The following FHIP1A variants were observed in gnomAD, a reference collection of about 807,000 sequenced individuals.
The protein encoded by FHIP1A is FHF complex subunit HOOK-interacting protein 1A.
A neutral mutation model predicts 88.6 loss-of-function variants in FHIP1A; 61 were observed. The observed-to-expected ratio is 0.69, with a 90% CI of 0.56 to 0.85. The LOEUF (loss-of-function observed/expected upper bound fraction) is 0.85, where lower values mean the gene tolerates loss of function less well. Among genes scored for constraint, FHIP1A ranks in the 40% least tolerant of loss-of-function variants. FHIP1A has a pLI of 0.00. For missense variants in FHIP1A, 1,154 were observed against 1,273.5 expected (o/e 0.91, Z 1.43); for synonymous variants, 478 against 496.0 (o/e 0.96, Z 0.48).
At chr4:151,609,909 A>G (rs1735257979) in intron 7 of FHIP1A, among the ~76,000 whole-genome samples, 1 of 152,232 alleles carries the variant, frequency 6.6e-6, no homozygotes, top group South Asian at 2.1e-4. Context: ...ACCCCAAAAA[A>G]CTAAAATAAA....
chr4:151,444,744 A>G (rs534832459), intron 1 of FHIP1A, among the ~76,000 whole-genome samples: 1 of 152,244 alleles, frequency 6.6e-6, no homozygotes, highest in Admixed American at 6.5e-5. Flanking sequence ...AGATTTATCC[A>G]TGTTTATTCA....
At chr4:151,432,184 G>A (rs1243759738) in intron 1 of FHIP1A, among the ~76,000 whole-genome samples, 1 of 152,208 alleles carries the variant, frequency 6.6e-6, no homozygotes, top group Non-Finnish European at 1.5e-5. Context: ...TATGTGTAAA[G>A]CATTATGTTA....
At chr4:151,443,920 G>A (rs543344336) in intron 1 of FHIP1A, among the ~76,000 whole-genome samples, 3 of 151,960 alleles carry the variant, frequency 2.0e-5, no homozygotes, top group African/African-American at 2.4e-5. Context: ...GCCAGGCTGC[G>A]TGAAGGCTGT....
At position 151,662,731 on chromosome 4, in the gene FHIP1A, G is replaced by C; in HGVS notation, c.3100G>C (p.Asp1034His). 12 of 1,520,966 alleles carry C rather than the reference G, an allele frequency of 7.9e-6. No homozygotes were observed. Among genetic ancestry groups the C allele is most frequent in the Non-Finnish European group, 1.1e-5 (12 of 1,136,604 alleles). The allele number at this position is 1,520,966 out of a possible 1,614,324, so 94.2% of individuals were successfully genotyped here. A position where few individuals can be genotyped will look rare whatever the true frequency, so the allele number is the denominator to read the frequency against. The change falls in exon 14 of 14, where the codon GAC becomes CAC. Residue 1034 changes from aspartate to histidine, a missense_variant. Coordinates refer to ENST00000435205, the MANE Select transcript of FHIP1A (RefSeq NM_001109977.3). ...CATTCTGTGCTACAAGATCTTGGGT[G>C]ACTTTGAGGACTCCTGCTGTTAGCT... ...HSILCYKILGDFEDSCC is the reference protein window; with the variant it reads ...HSILCYKILGHFEDSCC
At chr4:151,539,562 TAAAAAAAAAAA>T (rs1215200409) in intron 3 of FHIP1A, among the ~76,000 whole-genome samples, 1 of 102,568 alleles carries the variant, frequency 9.7e-6, no homozygotes, top group East Asian at 2.9e-4. Context: ...AGACTCTGTC[TAAAAAAAAAAA>T]AAAAAAAAAA....
intron 1 of FHIP1A, chr4:151,436,356 C>G (rs1011926241): frequency 3.3e-5 from 5 of 152,240 alleles, no homozygotes; most frequent in Non-Finnish European, 2.9e-5. Context: ...ATAGTTCTTT[C>G]TTTGAGCAAC....
intron 7 of FHIP1A, among the ~76,000 whole-genome samples, chr4:151,613,145 C>T (rs779897340): frequency 2.5e-4 from 38 of 152,128 alleles, no homozygotes; most frequent in Admixed American, 2.2e-3. Context: ...TTCTTGTACT[C>T]GTTAATTTAA....
At chr4:151,466,089 C>T (rs1185354188) in intron 2 of FHIP1A, among the ~76,000 whole-genome samples, 2 of 152,152 alleles carry the variant, frequency 1.3e-5, no homozygotes, top group Non-Finnish European at 2.9e-5. Context: ...ACCCCATCGT[C>T]TCAGCCCAAA....
At chr4:151,639,508 T>A (rs543497574) in intron 9 of FHIP1A, among the ~76,000 whole-genome samples, 332 of 152,348 alleles carry the variant, frequency 2.2e-3, no homozygotes, top group Middle Eastern at 0.017. Flanking sequence ...TGATGCTTCC[T>A]TATTAGCTCA....
At chr4:151,654,190 T>C (rs1256430005) in intron 11 of FHIP1A, among the ~76,000 whole-genome samples, 1 of 152,164 alleles carries the variant, frequency 6.6e-6, no homozygotes, top group African/African-American at 2.4e-5. Flanking sequence ...AGATGCTAAT[T>C]ATAATGTCAA....
rs535935309 is a variant in FHIP1A at position 151,518,304 on chromosome 4, T to C, written c.-123+35656T>C. On this transcript the variant is annotated intron_variant, in intron 3 of 13. Transcript: ENST00000435205. ...GTACAGGTTTGTAGCCTAGGAGCAATAGGCTATACCAGATAGTCTAGGTGT... is the reference window on the plus strand; with the variant it reads ...GTACAGGTTTGTAGCCTAGGAGCAACAGGCTATACCAGATAGTCTAGGTGT... 3.3e-5 allele frequency among the ~76,000 whole-genome samples: 5 copies of C among 152,318 alleles called. No homozygotes were observed. The South Asian group carries it at 8.3e-4, about 25-fold the overall frequency.
intron 4 of FHIP1A, among the ~76,000 whole-genome samples, chr4:151,570,230 G>A (rs575831591): frequency 3.9e-5 from 6 of 152,212 alleles, no homozygotes; most frequent in South Asian, 2.1e-4. Flanking sequence ...TCCTGGCAGC[G>A]TCCATCATGC....
intron 3 of FHIP1A, among the ~76,000 whole-genome samples, chr4:151,553,725 G>A (rs1227502261): frequency 1.3e-5 from 2 of 152,132 alleles, no homozygotes; most frequent in Non-Finnish European, 2.9e-5. Context: ...GCTTCTTCAA[G>A]TCATTGTTTT....
chr4:151,650,169 A>T lies in FHIP1A; in HGVS notation c.2128A>T (p.Lys710Ter). Residue 710 changes from lysine to a stop codon, truncating the protein, a stop_gained, in exon 11 of 14, where the codon AAG becomes TAG. Transcript: ENST00000435205. LOFTEE classifies it high-confidence loss of function. ...DNSDPFHSEP[K>*]EPKQEREPEA... ...TTCAGACCCGTTTCACAGTGAGCCC[A>T]AGGAGCCAAAGCAAGAGAGGGAACC... is the stretch of plus-strand genomic sequence containing the variant. The T allele has an allele frequency of 6.4e-7, 1 of 1,551,714 alleles. No homozygotes were observed. Among genetic ancestry groups the T allele is most frequent in the Non-Finnish European group, 8.7e-7 (1 of 1,146,992 alleles).
chr4:151,526,381 G>T (rs915824487), intron 3 of FHIP1A, among the ~76,000 whole-genome samples: 1 of 150,854 alleles, frequency 6.6e-6, no homozygotes, highest in Non-Finnish European at 1.5e-5. Context: ...CTGGCCGGGC[G>T]GGGGGCTGAC....
rs562037915 is a variant in FHIP1A at position 151,664,706 on chromosome 4, T to G, written c.*1952T>G. Among the ~76,000 whole-genome samples the G allele has an allele frequency of 1.3e-5, 2 of 152,348 alleles. No homozygotes were observed. Among genetic ancestry groups the G allele is most frequent in the East Asian group, 3.9e-4 (2 of 5,186 alleles). Reference sequence around the variant, plus strand: ...AGATGGAAGTTCGGCTGTAATTTATTATACTCTGTTTGTTTTTGCACAAGT... The same window carrying G: ...AGATGGAAGTTCGGCTGTAATTTATGATACTCTGTTTGTTTTTGCACAAGT... On this transcript the variant is annotated 3_prime_UTR_variant, in exon 14 of 14. Transcript: ENST00000435205.
Position 151,665,761 on chromosome 4 carries a change from G to A in FHIP1A, c.*3007G>A, listed in dbSNP as rs551412383. 1.2e-4 allele frequency among the ~76,000 whole-genome samples: 18 copies of A among 152,300 alleles called. No homozygotes were observed. The highest frequency in any genetic ancestry group is 3.8e-4 in the African/African-American group (16 of 41,568). ...GAATATTCTGGTCCTAAAGTAAATC[G>A]GCAAGCCCTTAGAAATATCTTTTTT... On this transcript the variant is annotated 3_prime_UTR_variant, in exon 14 of 14. Transcript: ENST00000435205.
chr4:151,550,375 C>T (rs193261310), intron 3 of FHIP1A, among the ~76,000 whole-genome samples: 5 of 152,258 alleles, frequency 3.3e-5, no homozygotes, highest in Middle Eastern at 6.8e-3. Context: ...CACCTCCCCC[C>T]GAACCCCTAT....
chr4:151,468,950 T>C (rs1729421275), intron 2 of FHIP1A, among the ~76,000 whole-genome samples: 2 of 152,214 alleles, frequency 1.3e-5, no homozygotes, highest in Non-Finnish European at 2.9e-5. Context: ...TTCAGTATCC[T>C]GCAGTGAGGG....
Sources: allele counts gnomAD v4.1 joint callset (sites outside exome capture counted in the v4.1 genomes callset), GRCh38; gene constraint gnomAD v4.1.1; transcripts MANE v1.5; gene names NCBI Gene and HGNC (gene_info 2026-07-23, HGNC 2026-07-21).